LARS1: variants seen among roughly 807,000 people sequenced by gnomAD.
The protein encoded by LARS1 is leucine--tRNA ligase, cytoplasmic.
Under a neutral mutation model 162.8 loss-of-function variants are expected in LARS1, and 100 were observed. The ratio of observed to expected loss-of-function variants is 0.61; its 90% confidence interval spans 0.52 to 0.73. The LOEUF (loss-of-function observed/expected upper bound fraction) is 0.73, where lower values mean the gene tolerates loss of function less well. LARS1 is among the 30% of genes least tolerant of loss of function. The pLI, the probability that LARS1 is intolerant of heterozygous loss-of-function variation, is 0.00. For synonymous variants in LARS1, 457 were observed against 462.8 expected (o/e 0.99, Z 0.16); for missense variants, 1,258 against 1,408.9 (o/e 0.89, Z 1.71).
intron 6 of LARS1, among the ~76,000 whole-genome samples, chr5:146,161,084 C>T (rs1753757491): frequency 6.6e-6 from 1 of 152,098 alleles, no homozygotes; most frequent in Non-Finnish European, 1.5e-5. Context: ...TTTCCCAAGG[C>T]ATATATAAGT....
At chr5:146,154,235 G>C (rs1233957030) in intron 10 of LARS1, among the ~76,000 whole-genome samples, 2 of 152,046 alleles carry the variant, frequency 1.3e-5, no homozygotes, top group Non-Finnish European at 2.9e-5. Flanking sequence ...GCTATTCACA[G>C]GTGCTATCAT....
In LARS1 at chr5:146,129,020, A is replaced by G; in HGVS notation, c.2727T>C (p.Leu909=). The G allele has an allele frequency of 6.2e-7, 1 of 1,610,806 alleles. No homozygotes were observed. The highest frequency in any genetic ancestry group is 8.5e-7 in the Non-Finnish European group (1 of 1,178,732). ...TCATATAGTTCTTGAGTCGTAGTCT[A>G]AGGTCATGTGTTACTTCCATAAGAT... The part of the protein sequence containing the change: ...SQYLMEVTHD[L]RLRLKNYMMP... The change falls in exon 26 of 32, where the codon CTT becomes CTC. Residue 909 remains leucine, a synonymous_variant. Coordinates refer to ENST00000394434, the MANE Select transcript of LARS1 (RefSeq NM_020117.11).
At chr5:146,115,049 A>G (rs1764142653) in intron 31 of LARS1, among the ~76,000 whole-genome samples, 5 of 148,040 alleles carry the variant, frequency 3.4e-5, no homozygotes, top group South Asian at 2.1e-4. Flanking sequence ...TCGGGGGGAA[A>G]AAAAAAAAAA....
intron 1 of LARS1, chr5:146,179,794 G>C (rs186370647): frequency 5.7e-4 from 154 of 269,478 alleles, no homozygotes; most frequent in Non-Finnish European, 7.7e-4. Flanking sequence ...GTAGAGACAG[G>C]GTTTCACCAT....
intron 6 of LARS1, among the ~76,000 whole-genome samples, chr5:146,161,894 AACT>A (rs1197463596): frequency 3.3e-5 from 5 of 152,194 alleles, no homozygotes; most frequent in African/African-American, 1.2e-4. Context: ...CATCTCAAGA[AACT>A]ACTTTTTTTG....
At chr5:146,172,108 T>G in intron 3 of LARS1, 118 bp from the exon 4 acceptor site, 2 of 873,200 alleles carry the variant, frequency 2.3e-6, no homozygotes, top group Non-Finnish European at 3.6e-6. Context: ...GAATGCCAGT[T>G]AGATTTTAGG....
chr5:146,176,386 G>C (rs1754574772), intron 2 of LARS1, among the ~76,000 whole-genome samples: 1 of 148,388 alleles, frequency 6.7e-6, no homozygotes, highest in South Asian at 2.1e-4. Flanking sequence ...AGGGAGTTGG[G>C]GGTTGCAGTG....
intron 7 of LARS1, 70 bp from the exon 8 acceptor site, chr5:146,159,540 G>A: frequency 8.6e-7 from 1 of 1,169,206 alleles, no homozygotes; most frequent in Admixed American, 1.8e-5. Flanking sequence ...ATTTGCCTGT[G>A]TTGCACCTAA....
chr5:146,142,956 T>G lies in LARS1; in HGVS notation c.2006A>C (p.Asp669Ala). The G allele has an allele frequency of 6.2e-7, 1 of 1,614,082 alleles. No individual in the cohort carries two copies. Among genetic ancestry groups the G allele is most frequent in the Non-Finnish European group, 8.5e-7 (1 of 1,179,994 alleles). ...KQEFEFWYPV[D>A]LRVSGKDLVP... ...AAGATCCTTGCCAGAGACGCGAAGA[T>G]CAACAGGATACCAGAATTCAAACTC... The change falls in exon 20 of 32, where the codon GAT becomes GCT. Residue 669 changes from aspartate to alanine, a missense_variant. Asp to Ala is a moderately radical substitution (Grantham distance 126). Coordinates refer to ENST00000394434, the MANE Select transcript of LARS1 (RefSeq NM_020117.11).
intron 10 of LARS1, among the ~76,000 whole-genome samples, chr5:146,154,877 G>A (rs1753451982): frequency 6.6e-6 from 1 of 151,548 alleles, no homozygotes; most frequent in African/African-American, 2.4e-5. Context: ...TTTTGAGATG[G>A]AGTTCTGCTC....
At chr5:146,134,651 A>G (rs1752430569) in intron 22 of LARS1, among the ~76,000 whole-genome samples, 1 of 152,238 alleles carries the variant, frequency 6.6e-6, no homozygotes, top group Non-Finnish European at 1.5e-5. Context: ...AGACACATTT[A>G]GGAATACCAA....
chr5:146,162,421 A>T lies in LARS1; in HGVS notation c.594+1889T>A, dbSNP rs1561825773. On this transcript the variant is annotated intron_variant, in intron 6 of 31. Transcript: ENST00000394434. ...AATGAACAGTAATATTTTGAAAGAA[A>T]TTTTTTTTTTTCCTGAGCAGTAGGT... 2.7e-5 allele frequency among the ~76,000 whole-genome samples: 4 copies of T among 149,900 alleles called. No homozygotes were observed. The East Asian group carries it at 5.9e-4, about 22-fold the overall frequency.
intron 10 of LARS1, 140 bp from the exon 11 acceptor site, chr5:146,154,120 T>C (rs531084937): frequency 1.6e-6 from 1 of 615,676 alleles, no homozygotes; most frequent in South Asian, 2.2e-5. Flanking sequence ...TATTGTACAA[T>C]ATGGTGACTA....
At chr5:146,115,228 C>A (rs1764157014) in intron 31 of LARS1, among the ~76,000 whole-genome samples, 1 of 152,092 alleles carries the variant, frequency 6.6e-6, no homozygotes, top group Non-Finnish European at 1.5e-5. Context: ...TCTCTCAAAT[C>A]ATTTTTATAT....
At position 146,114,137 on chromosome 5, in the gene LARS1, A is replaced by G. The variant is rs370985873; in HGVS notation, c.3500T>C (p.Ile1167Thr). The G allele has an allele frequency of 7.4e-6, 12 of 1,613,758 alleles. No homozygotes were observed. The highest frequency in any genetic ancestry group is 1.0e-5 in the Non-Finnish European group (12 of 1,179,926). Reference sequence around the variant, plus strand: ...AACCAGATAGATTATTGTATCGCCAATATCCACCCTTATCCCATTCTCAGT... The same window carrying G: ...AACCAGATAGATTATTGTATCGCCAGTATCCACCCTTATCCCATTCTCAGT... Reference protein sequence around the residue: ...HLTENGIRVDIGDTIIYLVH With the variant: ...HLTENGIRVDTGDTIIYLVH Residue 1167 changes from isoleucine (I) to threonine (T), a missense_variant, in exon 32 of 32, where the codon ATT (isoleucine) becomes ACT (threonine). Transcript: ENST00000394434.
chr5:146,128,445 A>C (rs756889712), intron 27 of LARS1, among the ~76,000 whole-genome samples: 1 of 152,134 alleles, frequency 6.6e-6, no homozygotes, highest in Non-Finnish European at 1.5e-5. Context: ...AACTAGATCC[A>C]ATGTATTTTT....
chr5:146,153,273 G>GGGA, intron 12 of LARS1, 46 bp from the exon 13 acceptor site: 1 of 1,319,396 alleles, frequency 7.6e-7, no homozygotes, highest in Non-Finnish European at 1.1e-6. Context: ...ACACTTTACT[G>GGGA]GGAGAATCAT....
At chr5:146,166,725 C>T (rs541294184) in intron 5 of LARS1, among the ~76,000 whole-genome samples, 26 of 151,948 alleles carry the variant, frequency 1.7e-4, no homozygotes, top group Non-Finnish European at 3.2e-4. Context: ...GATTAGAAGA[C>T]TAGAGTAATA....
At chr5:146,157,243 G>A (rs1753570764) in intron 10 of LARS1, among the ~76,000 whole-genome samples, 160 bp downstream of exon 10, 1 of 152,134 alleles carries the variant, frequency 6.6e-6, no homozygotes, top group Non-Finnish European at 1.5e-5. Context: ...TTACGTAAGT[G>A]TATATACATA....
Sources: gnomAD v4.1 joint callset for allele counts (sites outside exome capture counted in the v4.1 genomes callset) on GRCh38, gnomAD v4.1.1 for gene constraint, MANE v1.5 for transcripts, NCBI Gene and HGNC (gene_info 2026-07-23, HGNC 2026-07-21) for gene names.